FOXP1: variants seen among roughly 807,000 people sequenced by gnomAD.
FOXP1 encodes the protein forkhead box P1.
In FOXP1, 15 loss-of-function variants were observed where a neutral mutation model predicts 98.2. The ratio of observed to expected loss-of-function variants is 0.15; its 90% CI spans 0.10 to 0.24. FOXP1 has a LOEUF of 0.24. FOXP1 is among the 10% of genes least tolerant of loss of function. The pLI is 1.00. For synonymous variants in FOXP1, 371 were observed against 314.5 expected (o/e 1.18, Z -1.90); for missense variants, 633 against 848.5 (o/e 0.75, Z 3.15).
chr3:71,372,017 CTT>C (rs552340574), intron 3 of FOXP1, among the ~76,000 whole-genome samples: 4 of 144,600 alleles, frequency 2.8e-5, no homozygotes, highest in Non-Finnish European at 3.1e-5. Flanking sequence ...TTCTTTCTTT[CTT>C]TTTTTTTTTT....
At chr3:71,573,379 TA>T (rs1436266362) in intron 2 of FOXP1, 4 of 137,510 alleles carry the variant, frequency 2.9e-5, no homozygotes, top group Admixed American at 7.3e-5. Context: ...CCAGAATACT[TA>T]AACCTTTTGC....
At chr3:71,021,783 C>T (rs182979015) in intron 11 of FOXP1, among the ~76,000 whole-genome samples, 52 of 152,302 alleles carry the variant, frequency 3.4e-4, no homozygotes, top group Middle Eastern at 6.8e-3. Flanking sequence ...AATGAGGCTG[C>T]ACATATTTTC....
At chr3:71,317,701 T>G (rs1361856708) in intron 4 of FOXP1, among the ~76,000 whole-genome samples, 1 of 151,922 alleles carries the variant, frequency 6.6e-6, no homozygotes, top group Non-Finnish European at 1.5e-5. Flanking sequence ...AATACAATAC[T>G]CAAATAAGAA....
At chr3:71,001,802 G>C (rs1047008904) in intron 12 of FOXP1, among the ~76,000 whole-genome samples, 4 of 152,122 alleles carry the variant, frequency 2.6e-5, no homozygotes, top group African/African-American at 9.7e-5. Flanking sequence ...ATACGCAGGA[G>C]CTCTGGTAAT....
chr3:71,134,282 C>T (rs1424904495), intron 6 of FOXP1, among the ~76,000 whole-genome samples: 1 of 152,120 alleles, frequency 6.6e-6, no homozygotes, highest in African/African-American at 2.4e-5. Flanking sequence ...CGAATGGACA[C>T]CAAGGTTTAA....
In FOXP1 at chr3:71,058,325, TAAAA is replaced by T. The variant is rs1162418421; in HGVS notation, c.283-4556_283-4553del. 3.3e-5 allele frequency among the ~76,000 whole-genome samples: 5 copies of T among 152,300 alleles called. No homozygotes were observed. The East Asian group carries it at 9.6e-4, about 29-fold the overall frequency. Reference sequence around the variant, plus strand: ...TCATAATTACTGTGTATACAAATAATAAAAAGAGAAGATAAAAAATGCTAAACAC... The same window carrying T: ...TCATAATTACTGTGTATACAAATAATAGAGAAGATAAAAAATGCTAAACAC... On this transcript the variant is annotated intron_variant, in intron 7 of 20. Transcript: ENST00000649528.
intron 11 of FOXP1, among the ~76,000 whole-genome samples, chr3:71,033,681 G>A (rs763721608): frequency 6.0e-5 from 9 of 150,488 alleles, no homozygotes; most frequent in East Asian, 2.0e-4. Context: ...ATTTTCTCCC[G>A]GTGCCCTCCC....
chr3:70,958,924 C>G lies in FOXP1; in HGVS notation c.*323G>C. ...CGTTGGCAGGACTGCAGTTCAAAGT[C>G]TGCTGCTAAAAGTGAATCAGTTTAG... On this transcript the variant is annotated 3_prime_UTR_variant, in exon 21 of 21. Transcript: ENST00000649528. 2.3e-6 allele frequency: 1 copy of G among 426,126 alleles called. No individual in the cohort carries two copies. The highest frequency in any genetic ancestry group is 2.3e-5 in the South Asian group (1 of 43,756). 26.4% of individuals were successfully genotyped at this position (426,126 alleles called of 1,614,324 possible). A position where few individuals can be genotyped will look rare whatever the true frequency, so the allele number is the denominator to read the frequency against.
At chr3:71,398,544 T>C (rs1249534900) in intron 3 of FOXP1, among the ~76,000 whole-genome samples, 2 of 152,228 alleles carry the variant, frequency 1.3e-5, no homozygotes, top group Non-Finnish European at 2.9e-5. Context: ...ATAAAACATG[T>C]GGCTCATTTG....
At chr3:71,338,983 A>G (rs1160292657) in intron 4 of FOXP1, among the ~76,000 whole-genome samples, 1 of 152,214 alleles carries the variant, frequency 6.6e-6, no homozygotes, top group Non-Finnish European at 1.5e-5. Context: ...AAGAAGAAAA[A>G]GAAAACCACT....
intron 3 of FOXP1, among the ~76,000 whole-genome samples, chr3:71,383,431 C>G (rs12491667): frequency 0.15 from 23,120 of 151,928 alleles, 1,974 homozygotes; most frequent in South Asian, 0.22. Flanking sequence ...CATTGTTGGT[C>G]TAGTATCAGA....
chr3:71,130,463 A>C (rs2059498260), intron 6 of FOXP1: 2 of 1,592,962 alleles, frequency 1.3e-6, no homozygotes, highest in Non-Finnish European at 1.7e-6. Flanking sequence ...AGTTTAACCC[A>C]GCAAAAAAAT....
chr3:71,045,531 C>T (rs2048905640), intron 10 of FOXP1, among the ~76,000 whole-genome samples: 1 of 151,906 alleles, frequency 6.6e-6, no homozygotes, highest in African/African-American at 2.4e-5. Flanking sequence ...CACAAAAATG[C>T]ATTAACTGAT....
rs565787453 is a variant in FOXP1, at chr3:71,171,524, CTTTGAAGTTAAAGTACTGA to C, written c.180+26659_180+26677del. ...CTCTGTCATCCATGGCTTCTCTCTG[CTTTGAAGTTAAAGTACTGA>C]ATGAGCAGTGTCATCTATTATCCAG... On this transcript the variant is annotated intron_variant, in intron 6 of 20. Coordinates refer to ENST00000649528, the MANE Select transcript of FOXP1 (RefSeq NM_001349338.3). Among the ~76,000 whole-genome samples, 37 of 152,292 alleles carry C rather than the reference CTTTGAAGTTAAAGTACTGA, an allele frequency of 2.4e-4. No homozygotes were observed. In the East Asian group the frequency reaches 6.9e-3, roughly 29 times the overall value.
chr3:71,079,555 T>C (rs1463018324), intron 7 of FOXP1, among the ~76,000 whole-genome samples: 5 of 152,240 alleles, frequency 3.3e-5, no homozygotes, highest in Admixed American at 1.3e-4. Context: ...TGAGAGATAT[T>C]GTGATCAGTT....
chr3:71,232,877 C>CAAAAAAAAAAAAAAAA (rs59404230), intron 5 of FOXP1, among the ~76,000 whole-genome samples: 1,022 of 31,318 alleles, frequency 0.033, 202 homozygotes, highest in Non-Finnish European at 0.048. Flanking sequence ...AACTCTGTCT[C>CAAAAAAAAAAAAAAAA]AAAAAAAAAA....
chr3:71,405,699 C>T (rs536780793), intron 3 of FOXP1, among the ~76,000 whole-genome samples: 9 of 152,094 alleles, frequency 5.9e-5, no homozygotes, highest in African/African-American at 1.4e-4. Context: ...TGTCTAAGAT[C>T]GAGGGTCCAG....
At chr3:71,220,584 T>A (rs1252086561) in intron 5 of FOXP1, among the ~76,000 whole-genome samples, 4 of 148,850 alleles carry the variant, frequency 2.7e-5, no homozygotes, top group Non-Finnish European at 5.9e-5. Flanking sequence ...TCTGTCTCTA[T>A]CAAAAATACA....
chr3:71,118,054 A>G lies in FOXP1; in HGVS notation c.181-5417T>C, dbSNP rs2058503445. The stretch of plus-strand genomic sequence containing the variant: ...TCTTCTGTGGATTGACTAGTCTCCC[A>G]TCTATGCCCGGATCTGCACAAGGAG... On this transcript the variant is annotated intron_variant, in intron 6 of 20. Coordinates refer to ENST00000649528, the MANE Select transcript of FOXP1 (RefSeq NM_001349338.3). Among the ~76,000 whole-genome samples, 3 of 152,170 alleles carry G rather than the reference A, an allele frequency of 2.0e-5. No homozygotes were observed. The South Asian group carries it at 6.2e-4, about 32-fold the overall frequency.
Sources: gnomAD v4.1 joint callset for allele counts (sites outside exome capture counted in the v4.1 genomes callset) on GRCh38, gnomAD v4.1.1 for gene constraint, MANE v1.5 for transcripts, NCBI Gene and HGNC (gene_info 2026-07-23, HGNC 2026-07-21) for gene names.